Variants in NUDCD3 observed in about 807,000 individuals in gnomAD.
NUDCD3 encodes the protein NudC domain containing 3, also known as nudC domain-containing protein 3.
A neutral mutation model predicts 39.7 loss-of-function variants in NUDCD3; 13 were observed. That is an observed-to-expected ratio of 0.33 (90% CI 0.21 to 0.52). The LOEUF (loss-of-function observed/expected upper bound fraction) is 0.52. NUDCD3 is among the 20% of genes least tolerant of loss of function. The pLI, the probability that NUDCD3 is intolerant of heterozygous loss-of-function variation, is 0.96. For missense variants in NUDCD3, 453 were observed against 458.1 expected (o/e 0.99, Z 0.10); for synonymous variants, 175 against 172.4 (o/e 1.02, Z -0.12).
chr7:44,382,370 T>C lies in NUDCD3; in HGVS notation c.*3641A>G, dbSNP rs574332300. 6.6e-6 allele frequency: 1 copy of C among 152,334 alleles called. No individual in the cohort carries two copies. The highest frequency in any genetic ancestry group is 2.4e-5 in the African/African-American group (1 of 41,580). 9.4% of individuals were successfully genotyped at this position (152,334 alleles called of 1,614,324 possible). A position where few individuals can be genotyped will look rare whatever the true frequency, so the allele number is the denominator to read the frequency against. ...GGTAAAATTAACAAATCCATATTAG[T>C]GTGAGCTGGGTGAGTAGTTTAGTCT... On this transcript the variant is annotated 3_prime_UTR_variant, in exon 6 of 6. Coordinates refer to ENST00000355451, the MANE Select transcript of NUDCD3 (RefSeq NM_015332.4).
chr7:44,390,450 T>C (rs1798491768), intron 5 of NUDCD3, among the ~76,000 whole-genome samples: 1 of 152,166 alleles, frequency 6.6e-6, no homozygotes, highest in African/African-American at 2.4e-5. Flanking sequence ...CAAACTACAA[T>C]AATTTTTATC....
At chr7:44,422,672 G>A (rs1358944763) in intron 3 of NUDCD3, among the ~76,000 whole-genome samples, 2 of 152,110 alleles carry the variant, frequency 1.3e-5, no homozygotes, top group South Asian at 2.1e-4. Flanking sequence ...AAAGCTCAGG[G>A]CCAGACGGAT....
intron 2 of NUDCD3, among the ~76,000 whole-genome samples, chr7:44,436,655 C>T (rs997029182): frequency 1.3e-4 from 20 of 152,264 alleles, no homozygotes; most frequent in South Asian, 6.2e-4. Flanking sequence ...CTTTAACTCA[C>T]ATTTCTCTGC....
chr7:44,394,725 G>C (rs1375117625), intron 4 of NUDCD3, among the ~76,000 whole-genome samples: 1 of 152,230 alleles, frequency 6.6e-6, no homozygotes, highest in African/African-American at 2.4e-5. Flanking sequence ...CCAGCATGAA[G>C]AGGCAAAGCA....
rs143575222 is a variant in NUDCD3 at position 44,466,566 on chromosome 7, T to C, written c.509+18402A>G. 2.2e-3 allele frequency among the ~76,000 whole-genome samples: 335 copies of C among 152,332 alleles called. 2 individuals are homozygous for C. The highest frequency in any genetic ancestry group is 3.5e-3 in the Non-Finnish European group (235 of 68,026). ...CTGGTACCAGGCTCAGCCATGTGGT[T>C]CTGGGCTCAGCCATGCTGCCTTCAA... On this transcript the variant is annotated intron_variant, in intron 2 of 5. Coordinates refer to ENST00000355451, the MANE Select transcript of NUDCD3 (RefSeq NM_015332.4).
intron 2 of NUDCD3, among the ~76,000 whole-genome samples, chr7:44,467,656 TA>T (rs1321090706): frequency 6.0e-4 from 86 of 142,254 alleles, no homozygotes; most frequent in Non-Finnish European, 6.7e-4. Flanking sequence ...CCCAAGCCCC[TA>T]AAAAAAAAAA....
At chr7:44,414,410 G>A (rs1272859513) in intron 3 of NUDCD3, among the ~76,000 whole-genome samples, 1 of 152,092 alleles carries the variant, frequency 6.6e-6, no homozygotes, top group Non-Finnish European at 1.5e-5. Flanking sequence ...ACTTTGGTGC[G>A]GCCAAAATGA....
At chr7:44,392,588 T>A in intron 4 of NUDCD3, 103 bp from the exon 5 acceptor site, 2 of 998,122 alleles carry the variant, frequency 2.0e-6, no homozygotes, top group Non-Finnish European at 3.0e-6. Flanking sequence ...CAGGATAAGC[T>A]CAGGACCAAC....
intron 4 of NUDCD3, among the ~76,000 whole-genome samples, chr7:44,400,060 C>T (rs1798693333): frequency 6.6e-6 from 1 of 152,160 alleles, no homozygotes. Context: ...AGAGCAGCCA[C>T]CCACGGCAGC....
chr7:44,426,562 C>T (rs1453786694), intron 3 of NUDCD3, among the ~76,000 whole-genome samples: 1 of 151,886 alleles, frequency 6.6e-6, no homozygotes, highest in African/African-American at 2.4e-5. Flanking sequence ...TTTGGGAGGC[C>T]GAGGCGGGCG....
intron 3 of NUDCD3, among the ~76,000 whole-genome samples, chr7:44,425,682 C>A (rs1050321342): frequency 1.3e-5 from 2 of 151,998 alleles, no homozygotes; most frequent in African/African-American, 4.8e-5. Flanking sequence ...TGGGAAACAG[C>A]AGGACCCTAT....
chr7:44,418,998 C>T (rs571625157), intron 3 of NUDCD3, among the ~76,000 whole-genome samples: 39 of 152,302 alleles, frequency 2.6e-4, no homozygotes, highest in Middle Eastern at 3.4e-3. Flanking sequence ...TGGGCAGACA[C>T]TGAGCTAGCT....
chr7:44,380,356 GAGCCCA>G lies in NUDCD3; in HGVS notation c.*5649_*5654del, dbSNP rs1026434822. 25 of 152,230 alleles carry G rather than the reference GAGCCCA, an allele frequency of 1.6e-4. No homozygotes were observed. Among genetic ancestry groups the G allele is most frequent in the African/African-American group, 6.0e-4 (25 of 41,410 alleles). The allele number at this position is 152,230 out of a possible 1,614,324, so 9.4% of individuals were successfully genotyped here. On this transcript the variant is annotated 3_prime_UTR_variant, in exon 6 of 6. Coordinates refer to ENST00000355451, the MANE Select transcript of NUDCD3 (RefSeq NM_015332.4). ...CCCTAGACTAACAGTCACCCATATT[GAGCCCA>G]AGCCCACCCTGCATGATGCCAAGCT...
intron 4 of NUDCD3, among the ~76,000 whole-genome samples, chr7:44,398,534 C>T (rs1011646686): frequency 6.6e-6 from 1 of 152,208 alleles, no homozygotes; most frequent in African/African-American, 2.4e-5. Context: ...CCCCAGACTG[C>T]AGGCTGAACA....
intron 2 of NUDCD3, among the ~76,000 whole-genome samples, chr7:44,429,266 T>C (rs900135988): frequency 6.6e-6 from 1 of 152,154 alleles, no homozygotes; most frequent in African/African-American, 2.4e-5. Context: ...AATGTGACCT[T>C]AATAAAAACA....
intron 2 of NUDCD3, among the ~76,000 whole-genome samples, chr7:44,465,785 A>G (rs983123137): frequency 1.3e-5 from 2 of 152,012 alleles, no homozygotes; most frequent in African/African-American, 4.8e-5. Flanking sequence ...TCTACTATAC[A>G]CCCCACCGTA....
chr7:44,407,443 T>C (rs1798847425), intron 3 of NUDCD3, among the ~76,000 whole-genome samples: 1 of 151,286 alleles, frequency 6.6e-6, no homozygotes, highest in Admixed American at 6.6e-5. Context: ...TGTATGCCTG[T>C]AACCCCAGCT....
intron 2 of NUDCD3, among the ~76,000 whole-genome samples, chr7:44,429,987 C>T (rs1304097819): frequency 6.6e-6 from 1 of 152,152 alleles, no homozygotes; most frequent in Admixed American, 6.5e-5. Context: ...TATGGTATGA[C>T]TTTAATTTCT....
At chr7:44,403,476 C>T (rs1038378187) in intron 4 of NUDCD3, among the ~76,000 whole-genome samples, 5 of 152,238 alleles carry the variant, frequency 3.3e-5, no homozygotes, top group African/African-American at 9.6e-5. Flanking sequence ...GGTTTGATAT[C>T]AAGACCAGAG....
Sources: allele counts gnomAD v4.1 joint callset (sites outside exome capture counted in the v4.1 genomes callset), GRCh38; gene constraint gnomAD v4.1.1; transcripts MANE v1.5; gene names NCBI Gene and HGNC (gene_info 2026-07-23, HGNC 2026-07-21).